AMN1: variants seen among roughly 807,000 people sequenced by gnomAD.
AMN1 encodes the protein protein AMN1 homolog.
In AMN1, 20 loss-of-function variants were observed where a neutral mutation model predicts 33.0. The observed-to-expected ratio is 0.61, with a 90% CI of 0.43 to 0.88. The LOEUF is 0.88. AMN1 is among the 40% of genes least tolerant of loss of function. The probability of loss-of-function intolerance (pLI) is 0.00; values close to 1 mark genes in which losing one functional copy is unlikely to be tolerated. For synonymous variants in AMN1, 114 were observed against 111.9 expected, an observed-to-expected ratio of 1.02 and a Z score of -0.12; for missense variants, 246 against 307.4, an observed-to-expected ratio of 0.80 and a Z score of 1.49.
chr12:31,693,123 C>A (rs1245794773), intron 5 of AMN1, among the ~76,000 whole-genome samples: 3 of 152,120 alleles, frequency 2.0e-5, no homozygotes, highest in African/African-American at 7.2e-5. Context: ...AGCTGGAGTG[C>A]AGTAGTGCAA....
intron 2 of AMN1, among the ~76,000 whole-genome samples, chr12:31,705,473 CAG>C (rs1939191992): frequency 6.6e-6 from 1 of 151,850 alleles, no homozygotes; most frequent in Non-Finnish European, 1.5e-5. Flanking sequence ...CCCTGGGTGA[CAG>C]AGTGAGACCC....
Position 31,728,869 on chromosome 12 carries a change from G to A in AMN1, c.38+102C>T, listed in dbSNP as rs115896208. On this transcript the variant is annotated intron_variant, in intron 1 of 6. Transcript: ENST00000281471. Reference sequence around the variant, plus strand: ...CGCGGGGCCTCTTCAGAGGTCGGCGGGGGGGGTGGGAAAGGGGCGGGGAGG... The same window carrying A: ...CGCGGGGCCTCTTCAGAGGTCGGCGAGGGGGGTGGGAAAGGGGCGGGGAGG... 3.2e-5 allele frequency: 43 copies of A among 1,346,700 alleles called. No homozygotes were observed. The South Asian group carries it at 4.2e-4, about 13-fold the overall frequency. 83.4% of individuals were successfully genotyped at this position (1,346,700 alleles called of 1,614,324 possible).
chr12:31,713,197 G>A (rs572356509), intron 1 of AMN1, among the ~76,000 whole-genome samples: 9 of 151,880 alleles, frequency 5.9e-5, no homozygotes, highest in Admixed American at 2.0e-4. Flanking sequence ...CGTGAGAGAT[G>A]TAATGTTCTC....
At chr12:31,726,110 G>C (rs1314784679) in intron 1 of AMN1, among the ~76,000 whole-genome samples, 2 of 151,316 alleles carry the variant, frequency 1.3e-5, no homozygotes, top group Non-Finnish European at 2.9e-5. Context: ...CTCCATAATA[G>C]TCTAATCACC....
At chr12:31,713,965 T>C (rs1939571618) in intron 1 of AMN1, among the ~76,000 whole-genome samples, 1 of 152,192 alleles carries the variant, frequency 6.6e-6, no homozygotes, top group African/African-American at 2.4e-5. Flanking sequence ...TTAAAAATAG[T>C]TCCTGTCCAT....
At chr12:31,679,208 C>T (rs1937884003) in intron 6 of AMN1, among the ~76,000 whole-genome samples, 2 of 152,020 alleles carry the variant, frequency 1.3e-5, no homozygotes, top group South Asian at 4.2e-4. Flanking sequence ...TAAATCCTGA[C>T]ATCTACATTA....
At chr12:31,677,101 A>G (rs980101098) in intron 6 of AMN1, among the ~76,000 whole-genome samples, 3 of 151,880 alleles carry the variant, frequency 2.0e-5, no homozygotes, top group Non-Finnish European at 2.9e-5. Context: ...GATCGAGACT[A>G]TCCTGGCTAA....
chr12:31,713,085 T>C lies in AMN1; in HGVS notation c.39-3660A>G, dbSNP rs1565779871. On this transcript the variant is annotated intron_variant, in intron 1 of 6. Transcript: ENST00000281471. Reference sequence around the variant, plus strand: ...CTGAATCATAGGGTAGTTCCATTTTTAGTTTTTTGAGGACCATTTTGTTAT... The same window carrying C: ...CTGAATCATAGGGTAGTTCCATTTTCAGTTTTTTGAGGACCATTTTGTTAT... 3.3e-5 allele frequency among the ~76,000 whole-genome samples: 5 copies of C among 152,330 alleles called. No homozygotes were observed. The South Asian group carries it at 1.0e-3, about 32-fold the overall frequency.
intron 6 of AMN1, among the ~76,000 whole-genome samples, chr12:31,675,150 G>A (rs2139648159): frequency 6.7e-6 from 1 of 149,880 alleles, no homozygotes; most frequent in African/African-American, 2.5e-5. Context: ...GGATGCAGTG[G>A]CTCATGTCTG....
At chr12:31,688,764 T>C (rs1317443434) in intron 6 of AMN1, among the ~76,000 whole-genome samples, 1 of 152,056 alleles carries the variant, frequency 6.6e-6, no homozygotes, top group African/African-American at 2.4e-5. Context: ...TGAGCTGAGA[T>C]TGCACCATTG....
At chr12:31,678,176 G>A (rs1350479704) in intron 6 of AMN1, among the ~76,000 whole-genome samples, 2 of 151,992 alleles carry the variant, frequency 1.3e-5, no homozygotes, top group African/African-American at 4.8e-5. Context: ...AACCTGTTAC[G>A]CCTTTCTCTT....
At chr12:31,673,593 GA>G in intron 6 of AMN1, 1 of 421,396 alleles carries the variant, frequency 2.4e-6, no homozygotes, top group Non-Finnish European at 4.7e-6. Flanking sequence ...GGCTATAGAA[GA>G]AGGGGGAAAC....
At chr12:31,675,451 G>T (rs1429146078) in intron 6 of AMN1, among the ~76,000 whole-genome samples, 1 of 151,252 alleles carries the variant, frequency 6.6e-6, no homozygotes, top group Non-Finnish European at 1.5e-5. Context: ...ATAGCTAATA[G>T]TGAAAAATTA....
At chr12:31,674,502 T>C (rs1396603417) in intron 6 of AMN1, among the ~76,000 whole-genome samples, 1 of 152,076 alleles carries the variant, frequency 6.6e-6, no homozygotes, top group Non-Finnish European at 1.5e-5. Context: ...ACCCTTATGA[T>C]TATTTTGGGC....
At chr12:31,698,804 A>AAT (rs1465716051) in intron 3 of AMN1, among the ~76,000 whole-genome samples, 15 of 152,142 alleles carry the variant, frequency 9.9e-5, no homozygotes, top group Non-Finnish European at 1.6e-4. Flanking sequence ...GTTGTGATAC[A>AAT]ATAAGAACTG....
chr12:31,707,398 C>A (rs1939287814), intron 2 of AMN1, among the ~76,000 whole-genome samples: 1 of 152,142 alleles, frequency 6.6e-6, no homozygotes, highest in African/African-American at 2.4e-5. Context: ...CTGACCAGAA[C>A]AACACCATTT....
At chr12:31,691,604 G>A (rs1350181735) in intron 5 of AMN1, among the ~76,000 whole-genome samples, 1 of 151,940 alleles carries the variant, frequency 6.6e-6, no homozygotes, top group Non-Finnish European at 1.5e-5. Flanking sequence ...ACATAATTTT[G>A]AATAACAAAT....
intron 1 of AMN1, among the ~76,000 whole-genome samples, chr12:31,716,464 A>G (rs73303869): frequency 0.014 from 2,095 of 152,286 alleles, 55 homozygotes; most frequent in African/African-American, 0.048. Context: ...CAATCCTACC[A>G]TTGGTGAATG....
intron 1 of AMN1, chr12:31,714,618 T>C (rs1362442724): frequency 2.0e-5 from 3 of 152,310 alleles, no homozygotes; most frequent in African/African-American, 7.2e-5. Context: ...ATGAGCCTTG[T>C]GCTCGGCCTT....
Sources: allele counts gnomAD v4.1 joint callset (sites outside exome capture counted in the v4.1 genomes callset), GRCh38; gene constraint gnomAD v4.1.1; transcripts MANE v1.5; gene names NCBI Gene and HGNC (gene_info 2026-07-23, HGNC 2026-07-21).